The following TENM3 variants were observed in gnomAD, a reference collection of about 807,000 sequenced individuals.
The protein encoded by TENM3 is teneurin-3.
TENM3 carries 63 observed loss-of-function variants against 255.1 expected under a neutral mutation model. The observed-to-expected ratio is 0.25, with a 90% CI of 0.20 to 0.30. TENM3 has a LOEUF of 0.30. Ranked by LOEUF, TENM3 falls within the 10% of genes least tolerant of loss-of-function variation. The pLI, the probability that TENM3 is intolerant of heterozygous loss-of-function variation, is 1.00. For missense variants in TENM3, 2,929 were observed against 3,461.1 expected (o/e 0.85, Z 3.86); for synonymous variants, 1,306 against 1,322.3 (o/e 0.99, Z 0.27).
the TENM3 span, among the ~76,000 whole-genome samples, chr4:181,671,396 ATC>A: frequency 3.3e-5 from 5 of 152,176 alleles, no homozygotes; most frequent in African/African-American, 1.2e-4. Context: ...GATCATCTGG[ATC>A]TCTCTGCAGT....
At chr4:181,655,784 G>T in the TENM3 span, among the ~76,000 whole-genome samples, 3 of 152,298 alleles carry the variant, frequency 2.0e-5, no homozygotes, top group African/African-American at 7.2e-5. Context: ...GTCCAGAAGC[G>T]ATAAAGTACA....
In TENM3 at chr4:182,364,397, GTTGTTTT is replaced by G. The variant is rs566800356; in HGVS notation, c.511+17491_511+17497del. 1.5e-3 allele frequency among the ~76,000 whole-genome samples: 234 copies of G among 152,126 alleles called. 1 individual carries two copies. Among genetic ancestry groups the G allele is most frequent in the African/African-American group, 4.2e-3 (176 of 41,516 alleles). ...TAAAAAAATAAACATTGCAACTTCA[GTTGTTTT>G]TTGTTTTTTGTTTTTTGTTTTTGTT... is the stretch of plus-strand genomic sequence containing the variant. On this transcript the variant is annotated intron_variant, in intron 3 of 27. Coordinates refer to ENST00000511685, the MANE Select transcript of TENM3 (RefSeq NM_001080477.4).
At chr4:182,634,023 C>A (rs1469162704) in intron 5 of TENM3, among the ~76,000 whole-genome samples, 1 of 152,050 alleles carries the variant, frequency 6.6e-6, no homozygotes, top group Admixed American at 6.6e-5. Context: ...AAGTGAGAAC[C>A]GAGATTGGTT....
chr4:182,239,354 C>A (rs923091882), upstream of TENM3, among the ~76,000 whole-genome samples: 1 of 152,154 alleles, frequency 6.6e-6, no homozygotes, highest in Admixed American at 6.5e-5. Context: ...ACTGGGATTA[C>A]AGGCATGAGC....
intron 3 of TENM3, among the ~76,000 whole-genome samples, chr4:182,572,107 G>A (rs1224373870): frequency 6.6e-6 from 1 of 152,116 alleles, no homozygotes; most frequent in African/African-American, 2.4e-5. Context: ...TCACCGTGTT[G>A]GCCAGGCTGG....
the TENM3 span, among the ~76,000 whole-genome samples, chr4:181,950,759 A>G: frequency 4.6e-5 from 7 of 152,306 alleles, no homozygotes; most frequent in Non-Finnish European, 1.0e-4. Flanking sequence ...AAGAAGATAC[A>G]ACCAGACACA....
the TENM3 span, among the ~76,000 whole-genome samples, chr4:182,086,652 G>A: frequency 6.6e-6 from 1 of 152,082 alleles, no homozygotes; most frequent in African/African-American, 2.4e-5. Flanking sequence ...GTTTGCTTTT[G>A]AGTAAGAAAT....
intron 3 of TENM3, among the ~76,000 whole-genome samples, chr4:182,463,109 G>C (rs1732212796): frequency 6.6e-6 from 1 of 151,972 alleles, no homozygotes; most frequent in Admixed American, 6.6e-5. Context: ...CGTGTACATG[G>C]TCCCAGCTGG....
chr4:181,623,932 T>C, the TENM3 span, among the ~76,000 whole-genome samples: 1 of 152,236 alleles, frequency 6.6e-6, no homozygotes, highest in Admixed American at 6.5e-5. Context: ...ATAGAATACC[T>C]GTGATTTGGT....
At chr4:182,461,355 G>A (rs945028308) in intron 3 of TENM3, among the ~76,000 whole-genome samples, 9 of 152,130 alleles carry the variant, frequency 5.9e-5, no homozygotes, top group Non-Finnish European at 1.3e-4. Context: ...TTAAAAGGTG[G>A]GGTATGAAAA....
chr4:181,799,440 A>G, the TENM3 span, among the ~76,000 whole-genome samples: 1 of 152,274 alleles, frequency 6.6e-6, no homozygotes, highest in Non-Finnish European at 1.5e-5. Context: ...AAAGCTACTG[A>G]AATAAGTTGG....
At chr4:181,799,068 G>C in the TENM3 span, among the ~76,000 whole-genome samples, 1 of 152,122 alleles carries the variant, frequency 6.6e-6, no homozygotes, top group Non-Finnish European at 1.5e-5. Context: ...ACATTGGAAG[G>C]CTCCCTTTTC....
intron 1 of TENM3, among the ~76,000 whole-genome samples, chr4:182,285,737 G>A (rs777902019): frequency 3.3e-5 from 5 of 152,232 alleles, no homozygotes; most frequent in South Asian, 4.1e-4. Context: ...CAGTGGAAGC[G>A]TGGAATTGTG....
chr4:181,770,881 C>T, the TENM3 span, among the ~76,000 whole-genome samples: 1 of 152,152 alleles, frequency 6.6e-6, no homozygotes, highest in African/African-American at 2.4e-5. Context: ...CTGTGTGCCC[C>T]ACACTCCGTT....
intron 4 of TENM3, among the ~76,000 whole-genome samples, chr4:182,617,005 C>T (rs1749608428): frequency 6.6e-6 from 1 of 152,096 alleles, no homozygotes; most frequent in Non-Finnish European, 1.5e-5. Context: ...GAACACATTG[C>T]TAAATATACA....
the TENM3 span, among the ~76,000 whole-genome samples, chr4:181,617,099 C>A: frequency 6.6e-6 from 1 of 152,068 alleles, no homozygotes; most frequent in Non-Finnish European, 1.5e-5. Flanking sequence ...ACTAATGCAC[C>A]AATCTTCACA....
At chr4:182,644,960 G>A (rs1752618217) in intron 5 of TENM3, among the ~76,000 whole-genome samples, 1 of 151,908 alleles carries the variant, frequency 6.6e-6, no homozygotes, top group South Asian at 2.1e-4. Flanking sequence ...TTGGGTGATA[G>A]TATAAAAAGT....
intron 3 of TENM3, among the ~76,000 whole-genome samples, chr4:182,401,277 T>C (rs186465271): frequency 1.7e-4 from 26 of 152,356 alleles, no homozygotes; most frequent in African/African-American, 6.0e-4. Context: ...AATTTATATC[T>C]CTGTTATCTT....
intron 3 of TENM3, among the ~76,000 whole-genome samples, chr4:182,530,384 C>G (rs1739647818): frequency 6.6e-6 from 1 of 152,130 alleles, no homozygotes; most frequent in Non-Finnish European, 1.5e-5. Flanking sequence ...TGCCCTGTTC[C>G]AGAAACTACT....
Sources: gnomAD v4.1 joint callset for allele counts (sites outside exome capture counted in the v4.1 genomes callset) on GRCh38, gnomAD v4.1.1 for gene constraint, MANE v1.5 for transcripts, NCBI Gene and HGNC (gene_info 2026-07-23, HGNC 2026-07-21) for gene names.